Variants in TMEM92 observed in about 807,000 individuals in gnomAD.
TMEM92 encodes transmembrane protein 92.
TMEM92 carries 15 observed loss-of-function variants against 14.6 expected under a neutral mutation model. The observed-to-expected ratio is 1.03, with a 90% CI of 0.69 to 1.58. TMEM92 has a LOEUF of 1.58. TMEM92 is among the 40% of genes most tolerant of loss of function. TMEM92 has a pLI of 0.00. For synonymous variants in TMEM92, 85 were observed against 83.3 expected (o/e 1.02, Z -0.11); for missense variants, 174 against 202.4 (o/e 0.86, Z 0.85).
chr17:50,274,813 C>T (rs1910373569), intron 1 of TMEM92: 1 of 552,430 alleles, frequency 1.8e-6, no homozygotes, highest in Admixed American at 3.4e-5. Context: ...CACCACCCAC[C>T]ACCTTATCTG....
chr17:50,273,656 G>T (rs879669028), upstream of TMEM92, among the ~76,000 whole-genome samples: 1 of 152,174 alleles, frequency 6.6e-6, no homozygotes, highest in Admixed American at 6.5e-5. Context: ...GAAATCTCAG[G>T]GCACTCTGAA....
In TMEM92 at chr17:50,279,259, C is replaced by A. The variant is rs1406382784; in HGVS notation, c.431C>A (p.Pro144His). The part of the protein sequence containing the change: ...TEPPPPYSFR[P>H]EEYTGDQRGI... ...CCACCCCCTCCCTACAGCTTCAGGC[C>A]TGAAGAATATACCGGGGATCAGAGG... Residue 144 changes from proline to histidine, a missense_variant, in exon 5 of 5, where the codon CCT becomes CAT. By Grantham distance (77) the Pro-to-His change is moderately conservative. Coordinates refer to ENST00000507382, the MANE Select transcript of TMEM92 (RefSeq NM_153229.3). 6.2e-7 allele frequency: 1 copy of A among 1,613,854 alleles called. No individual in the cohort carries two copies. The highest frequency in any genetic ancestry group is 8.5e-7 in the Non-Finnish European group (1 of 1,179,906).
chr17:50,274,526 C>T lies in TMEM92; in HGVS notation c.25C>T (p.Leu9Phe). Reference protein sequence around the residue: MSQAWVPGLAPTLLFSLLA... With the variant: MSQAWVPGFAPTLLFSLLA... ...GATGTCCCAAGCTTGGGTCCCCGGC[C>T]TCGCGCCCACCTTGCTGTTCAGCCT... is the stretch of plus-strand genomic sequence containing the variant. Residue 9 changes from leucine (L) to phenylalanine (F), a missense_variant, in exon 1 of 5, where the codon CTC becomes TTC. Leu to Phe is a conservative substitution (Grantham distance 22). Coordinates refer to ENST00000507382, the MANE Select transcript of TMEM92 (RefSeq NM_153229.3). 1 of 1,614,012 alleles carries T rather than the reference C, an allele frequency of 6.2e-7. No individual in the cohort carries two copies. The highest frequency in any genetic ancestry group is 8.5e-7 in the Non-Finnish European group (1 of 1,179,954).
At position 50,278,562 on chromosome 17, in the gene TMEM92, C is replaced by G. The variant is rs1185947735; in HGVS notation, c.102C>G (p.Cys34Trp). The G allele has an allele frequency of 1.9e-6, 3 of 1,614,016 alleles. No individual in the cohort carries two copies. Among genetic ancestry groups the G allele is most frequent in the Non-Finnish European group, 2.5e-6 (3 of 1,179,982 alleles). ...TTCTGTGCCCTCTGACCAGTGCCTGCCCCAAAGGATTCAAATGCTGTGGTG... is the reference window on the plus strand; with the variant it reads ...TTCTGTGCCCTCTGACCAGTGCCTGGCCCAAAGGATTCAAATGCTGTGGTG... The part of the protein sequence containing the change: ...IAAKCGLILA[C>W]PKGFKCCGDS... Residue 34 changes from cysteine (C) to tryptophan (W), a missense_variant, in exon 3 of 5, where the codon TGC becomes TGG. Transcript: ENST00000507382.
rs998202526 is a variant in TMEM92 at position 50,281,378 on chromosome 17, A to G, written c.*2070A>G. 6.6e-6 allele frequency: 1 copy of G among 152,218 alleles called. No individual in the cohort carries two copies. The highest frequency in any genetic ancestry group is 2.4e-5 in the African/African-American group (1 of 41,454). 9.4% of individuals were successfully genotyped at this position (152,218 alleles called of 1,614,324 possible). On this transcript the variant is annotated 3_prime_UTR_variant, in exon 5 of 5. Coordinates refer to ENST00000507382, the MANE Select transcript of TMEM92 (RefSeq NM_153229.3). ...ATTCCACTTCTAGAAATGAGCCTTC[A>G]GAAGTGCTCATACAAAAGAGCTCAA...
chr17:50,271,448 G>C (rs1207894367), upstream of TMEM92: 1 of 152,344 alleles, frequency 6.6e-6, no homozygotes, highest in Non-Finnish European at 1.5e-5. Flanking sequence ...CTAGGCTCAA[G>C]TGATCCTCCT....
chr17:50,277,869 C>A, intron 2 of TMEM92, 129 bp downstream of exon 2: 1 of 1,214,488 alleles, frequency 8.2e-7, no homozygotes, highest in Non-Finnish European at 1.2e-6. Context: ...CAGCCAGAAA[C>A]TGTCCCCCCA....
intron 1 of TMEM92, 110 bp from the exon 2 acceptor site, chr17:50,277,605 T>A: frequency 2.3e-6 from 3 of 1,303,922 alleles, no homozygotes; most frequent in Non-Finnish European, 3.3e-6. Context: ...AGGCTGAGTC[T>A]ACTGGGGACC....
chr17:50,271,774 C>A (rs1910253267), upstream of TMEM92, among the ~76,000 whole-genome samples: 1 of 152,142 alleles, frequency 6.6e-6, no homozygotes, highest in Admixed American at 6.5e-5. Flanking sequence ...TGTAGTAGCT[C>A]ACGCCTGTAA....
In TMEM92 at chr17:50,278,672, G is replaced by A. The variant is rs763992573; in HGVS notation, c.170+42G>A. The A allele has an allele frequency of 2.5e-6, 4 of 1,604,258 alleles. No homozygotes were observed. In the East Asian group the frequency reaches 6.7e-5, roughly 27 times the overall value. ...CTCCTTTGGGTGCAGTCCTTGGAGG[G>A]GCCTGGTCCTGTGTGGACAAGGCCA... is the stretch of plus-strand genomic sequence containing the variant. On this transcript the variant is annotated intron_variant, in intron 3 of 4. Transcript: ENST00000507382.
chr17:50,280,768 G>A lies in TMEM92; in HGVS notation c.*1460G>A, dbSNP rs1461366720. The stretch of plus-strand genomic sequence containing the variant: ...GCAGCCCCAAAGATGCCAGGAACAG[G>A]GACTGTCCGGGTGTGGGTTCCCAGT... On this transcript the variant is annotated 3_prime_UTR_variant, in exon 5 of 5. Coordinates refer to ENST00000507382, the MANE Select transcript of TMEM92 (RefSeq NM_153229.3). The A allele has an allele frequency of 6.6e-6, 1 of 152,498 alleles. No individual in the cohort carries two copies. Among genetic ancestry groups the A allele is most frequent in the Non-Finnish European group, 1.5e-5 (1 of 68,278 alleles). 9.4% of individuals were successfully genotyped at this position (152,498 alleles called of 1,614,324 possible).
In TMEM92 at chr17:50,280,315, C is replaced by G. The variant is rs1231177799; in HGVS notation, c.*1007C>G. ...TTTAGGAGACCTTGAACGGCCCCACCCTGGAATCTCCTACAGGAAGGTGAG... is the reference window on the plus strand; with the variant it reads ...TTTAGGAGACCTTGAACGGCCCCACGCTGGAATCTCCTACAGGAAGGTGAG... On this transcript the variant is annotated 3_prime_UTR_variant, in exon 5 of 5. Coordinates refer to ENST00000507382, the MANE Select transcript of TMEM92 (RefSeq NM_153229.3). 1 of 152,142 alleles carries G rather than the reference C, an allele frequency of 6.6e-6. No homozygotes were observed. Among genetic ancestry groups the G allele is most frequent in the Non-Finnish European group, 1.5e-5 (1 of 68,044 alleles). The allele number at this position is 152,142 out of a possible 1,614,324, so 9.4% of individuals were successfully genotyped here.
At chr17:50,279,025 G>C in intron 4 of TMEM92, 29 bp downstream of exon 4, 1 of 1,518,756 alleles carries the variant, frequency 6.6e-7, no homozygotes, top group Non-Finnish European at 9.1e-7. Flanking sequence ...TCCCCACCTT[G>C]CCTCTGGCCG....
upstream of TMEM92, among the ~76,000 whole-genome samples, chr17:50,273,590 G>A (rs1910322811): frequency 6.6e-6 from 1 of 152,236 alleles, no homozygotes; most frequent in South Asian, 2.1e-4. Flanking sequence ...GATTTCAAGA[G>A]GGGAGGGGAC....
rs746115497 is a variant in TMEM92, at chr17:50,277,759, A to G, written c.95+19A>G. ...TCATCCTGTAAGTCTAGAGGCCATA[A>G]CTTCCAATCTGGGGAGCGGGGAGGA... is the stretch of plus-strand genomic sequence containing the variant. On this transcript the variant is annotated intron_variant, in intron 2 of 4. Transcript: ENST00000507382. The G allele has an allele frequency of 6.2e-7, 1 of 1,613,856 alleles. No individual in the cohort carries two copies. The highest frequency in any genetic ancestry group is 1.1e-5 in the South Asian group (1 of 91,078).
Position 50,279,807 on chromosome 17 carries a change from G to A in TMEM92, c.*499G>A, listed in dbSNP as rs1246116937. On this transcript the variant is annotated 3_prime_UTR_variant, in exon 5 of 5. Transcript: ENST00000507382. ...GTCCTCACTGAATGTTACTGATTGC[G>A]GCTGAGGGCCTGCCTCTGGCTGTGT... 1.1e-5 allele frequency: 2 copies of A among 174,196 alleles called. No individual in the cohort carries two copies. Among genetic ancestry groups the A allele is most frequent in the Admixed American group, 6.3e-5 (1 of 15,948 alleles). 10.8% of individuals were successfully genotyped at this position (174,196 alleles called of 1,614,324 possible). A position where few individuals can be genotyped will look rare whatever the true frequency, so the allele number is the denominator to read the frequency against.
At chr17:50,274,691 A>G in intron 1 of TMEM92, 121 bp downstream of exon 1, 2 of 860,248 alleles carry the variant, frequency 2.3e-6, no homozygotes, top group Non-Finnish European at 3.6e-6. Flanking sequence ...ACACACAGTT[A>G]GCTACTTCCT....
intron 2 of TMEM92, 38 bp from the exon 3 acceptor site, chr17:50,278,515 CCAG>C: frequency 6.2e-7 from 1 of 1,608,808 alleles, no homozygotes; most frequent in Non-Finnish European, 8.5e-7. Context: ...CATTCTGGTG[CCAG>C]CAACTTCTCC....
chr17:50,276,272 C>T (rs1041718509), intron 1 of TMEM92, among the ~76,000 whole-genome samples: 2 of 152,128 alleles, frequency 1.3e-5, no homozygotes, highest in African/African-American at 2.4e-5. Flanking sequence ...GATGAGGCAC[C>T]GCACCCAGCC....
Sources: allele counts gnomAD v4.1 joint callset (sites outside exome capture counted in the v4.1 genomes callset), GRCh38; gene constraint gnomAD v4.1.1; transcripts MANE v1.5; gene names NCBI Gene and HGNC (gene_info 2026-07-23, HGNC 2026-07-21).